Variants in IKZF2 observed in about 807,000 individuals in gnomAD.
The protein encoded by IKZF2 is IKAROS family zinc finger 2.
IKZF2 carries 15 observed loss-of-function variants against 49.2 expected under a neutral mutation model. The observed-to-expected ratio is 0.30, with a 90% CI of 0.20 to 0.47. The LOEUF is 0.47. Among genes scored for constraint, IKZF2 ranks in the 20% least tolerant of loss-of-function variants. The pLI, the probability that IKZF2 is intolerant of heterozygous loss-of-function variation, is 1.00. For missense variants in IKZF2, 567 were observed against 664.6 expected (o/e 0.85, Z 1.61); for synonymous variants, 227 against 221.4 (o/e 1.03, Z -0.23).
At chr2:213,024,677 C>T (rs1697614019) in intron 6 of IKZF2, among the ~76,000 whole-genome samples, 1 of 151,996 alleles carries the variant, frequency 6.6e-6, no homozygotes, top group Non-Finnish European at 1.5e-5. Context: ...ATTTATTTTC[C>T]TCTATATACT....
intron 4 of IKZF2, 184 bp downstream of exon 4, chr2:213,147,524 G>C: frequency 1.4e-6 from 1 of 695,752 alleles, no homozygotes; most frequent in Non-Finnish European, 2.6e-6. Flanking sequence ...GTTCAGACTA[G>C]TAAGCAGGCT....
Position 213,043,459 on chromosome 2 carries a change from A to G in IKZF2, c.574+6254T>C, listed in dbSNP as rs575658500. 2.0e-5 allele frequency among the ~76,000 whole-genome samples: 3 copies of G among 152,326 alleles called. No homozygotes were observed. In the East Asian group the frequency reaches 5.8e-4, roughly 29 times the overall value. On this transcript the variant is annotated intron_variant, in intron 6 of 8. Coordinates refer to ENST00000434687, the MANE Select transcript of IKZF2 (RefSeq NM_001387220.1). ...CAATGGACAGTTATTACCTGGAGGAAAAAGGGAGGCTAATACTTTCTACCA... is the reference window on the plus strand; with the variant it reads ...CAATGGACAGTTATTACCTGGAGGAGAAAGGGAGGCTAATACTTTCTACCA...
intron 4 of IKZF2, among the ~76,000 whole-genome samples, chr2:213,067,856 A>C (rs548004623): frequency 1.3e-5 from 2 of 152,252 alleles, no homozygotes; most frequent in East Asian, 3.9e-4. Context: ...ACCATGCCAG[A>C]ATATTCAGCT....
chr2:213,105,278 C>A (rs2059486554), intron 4 of IKZF2, among the ~76,000 whole-genome samples: 1 of 152,150 alleles, frequency 6.6e-6, no homozygotes, highest in South Asian at 2.1e-4. Context: ...CCCTCCCAAT[C>A]ATAGCCCGAA....
intron 4 of IKZF2, among the ~76,000 whole-genome samples, chr2:213,072,309 T>TC (rs397712165): frequency 2.0e-5 from 3 of 151,720 alleles, no homozygotes; most frequent in Non-Finnish European, 4.4e-5. Context: ...TTTTTTTTTT[T>TC]CTGTTTCGAC....
In IKZF2 at chr2:213,001,518, T is replaced by C. The variant is rs554238938; in HGVS notation, c.*5842A>G. 1 of 151,678 alleles carries C rather than the reference T, an allele frequency of 6.6e-6. No homozygotes were observed. Among genetic ancestry groups the C allele is most frequent in the East Asian group, 1.9e-4 (1 of 5,172 alleles). The allele number at this position is 151,678 out of a possible 1,614,324, so 9.4% of individuals were successfully genotyped here. A position where few individuals can be genotyped will look rare whatever the true frequency, so the allele number is the denominator to read the frequency against. ...AAGTGAAAGTAACATGAGGGTTACA[T>C]AGCTTACTATTTTTAATCCAACCAC... On this transcript the variant is annotated 3_prime_UTR_variant, in exon 9 of 9. Coordinates refer to ENST00000434687, the MANE Select transcript of IKZF2 (RefSeq NM_001387220.1).
chr2:213,107,530 G>A (rs1388680568), intron 4 of IKZF2, among the ~76,000 whole-genome samples: 1 of 152,182 alleles, frequency 6.6e-6, no homozygotes, highest in Admixed American at 6.5e-5. Flanking sequence ...CATCTGTAGC[G>A]AGAACCTGAC....
chr2:213,138,746 G>A (rs992886198), intron 4 of IKZF2, among the ~76,000 whole-genome samples: 5 of 152,012 alleles, frequency 3.3e-5, no homozygotes, highest in Non-Finnish European at 5.9e-5. Context: ...AATTAAGACA[G>A]CTTTCCTACT....
intron 4 of IKZF2, among the ~76,000 whole-genome samples, chr2:213,088,358 A>G (rs1312957748): frequency 1.3e-5 from 2 of 151,738 alleles, no homozygotes; most frequent in African/African-American, 4.8e-5. Context: ...GGGTTGTTTG[A>G]TTTTTTTCTT....
intron 4 of IKZF2, among the ~76,000 whole-genome samples, chr2:213,130,267 C>A (rs2060431873): frequency 6.6e-6 from 1 of 152,134 alleles, no homozygotes; most frequent in South Asian, 2.1e-4. Context: ...AAACTAATCA[C>A]TAAGCTAGGG....
chr2:213,133,194 G>A (rs2060530043), intron 4 of IKZF2, among the ~76,000 whole-genome samples: 10 of 152,100 alleles, frequency 6.6e-5, no homozygotes, highest in Admixed American at 6.5e-4. Flanking sequence ...TAAAATAGGA[G>A]CTATCATTCT....
At chr2:213,130,727 A>G (rs2060447474) in intron 4 of IKZF2, among the ~76,000 whole-genome samples, 1 of 152,202 alleles carries the variant, frequency 6.6e-6, no homozygotes, top group Admixed American at 6.5e-5. Flanking sequence ...CAGTTCAGTT[A>G]GGATTAAGTA....
intron 6 of IKZF2, among the ~76,000 whole-genome samples, chr2:213,046,028 A>G (rs941140947): frequency 1.3e-5 from 2 of 152,150 alleles, no homozygotes; most frequent in Admixed American, 6.6e-5. Context: ...ATCTCTGTCA[A>G]TGGAAGCCTC....
At chr2:213,126,833 A>T (rs1200847401) in intron 4 of IKZF2, among the ~76,000 whole-genome samples, 2 of 151,736 alleles carry the variant, frequency 1.3e-5, no homozygotes, top group African/African-American at 4.9e-5. Flanking sequence ...ACACATTTAT[A>T]ACAGTGAATA....
rs1262396258 is a variant in IKZF2 at position 213,007,596 on chromosome 2, C to A, written c.1345G>T (p.Ala449Ser). 1 of 1,613,702 alleles carries A rather than the reference C, an allele frequency of 6.2e-7. No individual in the cohort carries two copies. Among genetic ancestry groups the A allele is most frequent in the Non-Finnish European group, 8.5e-7 (1 of 1,179,736 alleles). ...ATGTCCTTCAGAGAGCCCTTAGGAG[C>A]CTTGGTAGTATCCAAAGCTTTGACA... ...EDVKALDTTKAPKGSLKDIYK... is the reference protein window; with the variant it reads ...EDVKALDTTKSPKGSLKDIYK... The change falls in exon 9 of 9, where the codon GCT (alanine) becomes TCT (serine). Residue 449 changes from alanine (A) to serine (S), a missense_variant. Physicochemically the swap from Ala to Ser is moderately conservative, Grantham distance 99. This residue lies in a region of IKZF2 where 310 missense variants were observed against 326.9 expected (regional missense o/e 0.95). Transcript: ENST00000434687.
chr2:213,026,742 AGTTATTTTATACACT>A (rs1372397921), intron 6 of IKZF2, among the ~76,000 whole-genome samples: 1 of 152,066 alleles, frequency 6.6e-6, no homozygotes, highest in East Asian at 1.9e-4. Context: ...TATGAAAATG[AGTTATTTTATACACT>A]GTTATTTTAT....
At chr2:213,057,590 C>T (rs1045654657) in intron 4 of IKZF2, among the ~76,000 whole-genome samples, 8 of 152,210 alleles carry the variant, frequency 5.3e-5, no homozygotes, top group African/African-American at 1.9e-4. Context: ...AGAAACAATT[C>T]AGGATCTTAA....
At chr2:213,039,328 G>A (rs1379759967) in intron 6 of IKZF2, among the ~76,000 whole-genome samples, 3 of 151,898 alleles carry the variant, frequency 2.0e-5, no homozygotes, top group Non-Finnish European at 1.5e-5. Flanking sequence ...TGGAACTATA[G>A]GGACTTGAAA....
intron 4 of IKZF2, among the ~76,000 whole-genome samples, chr2:213,077,578 T>C (rs1423829348): frequency 7.3e-6 from 1 of 137,266 alleles, no homozygotes; most frequent in Non-Finnish European, 1.5e-5. Flanking sequence ...CTATTCTATG[T>C]ACTTTTTTTT....
Sources: allele counts gnomAD v4.1 joint callset (sites outside exome capture counted in the v4.1 genomes callset), GRCh38; gene constraint gnomAD v4.1.1; regional missense constraint gnomAD v4.1.1; transcripts MANE v1.5; gene names NCBI Gene and HGNC (gene_info 2026-07-23, HGNC 2026-07-21).